SDK1: variants seen among roughly 807,000 people sequenced by gnomAD.
The protein encoded by SDK1 is protein sidekick-1.
In SDK1, 157 loss-of-function variants were observed where a neutral mutation model predicts 245.5. The ratio of observed to expected loss-of-function variants is 0.64; its 90% CI spans 0.56 to 0.73. The LOEUF (loss-of-function observed/expected upper bound fraction) is 0.73. SDK1 is among the 30% of genes least tolerant of loss of function. The pLI, the probability that SDK1 is intolerant of heterozygous loss-of-function variation, is 0.00. For missense variants in SDK1, 3,583 were observed against 3,002.3 expected, an observed-to-expected ratio of 1.19 and a Z score of -4.52; for synonymous variants, 1,647 against 1,278.5, an observed-to-expected ratio of 1.29 and a Z score of -6.15.
At chr7:4,035,104 G>A (rs137856813) in intron 17 of SDK1, among the ~76,000 whole-genome samples, 13 of 152,100 alleles carry the variant, frequency 8.5e-5, no homozygotes, top group Middle Eastern at 3.4e-3. Context: ...TTAGCCTCCC[G>A]AGTAGCTGGG....
At chr7:4,017,702 G>C (rs940488515) in intron 17 of SDK1, among the ~76,000 whole-genome samples, 1 of 152,194 alleles carries the variant, frequency 6.6e-6, no homozygotes, top group Non-Finnish European at 1.5e-5. Flanking sequence ...AGTTCTGTGT[G>C]ATACTGTGAG....
At chr7:4,236,524 G>T (rs1786179284) in intron 41 of SDK1, among the ~76,000 whole-genome samples, 1 of 152,084 alleles carries the variant, frequency 6.6e-6, no homozygotes, top group South Asian at 2.1e-4. Context: ...GTGGCCTGTG[G>T]AGGGGCCAAC....
At chr7:3,883,543 A>G (rs1352876959) in intron 5 of SDK1, among the ~76,000 whole-genome samples, 3 of 152,210 alleles carry the variant, frequency 2.0e-5, no homozygotes, top group African/African-American at 4.8e-5. Context: ...TCCAGTAACC[A>G]GGGCACATGG....
intron 5 of SDK1, among the ~76,000 whole-genome samples, 187 bp downstream of exon 5, chr7:3,821,770 C>A (rs531531550): frequency 6.6e-6 from 1 of 151,642 alleles, no homozygotes; most frequent in Admixed American, 6.6e-5. Flanking sequence ...AAATGATATG[C>A]GGAAAAATGT....
intron 5 of SDK1, among the ~76,000 whole-genome samples, chr7:3,911,026 G>C (rs1352212598): frequency 6.6e-6 from 1 of 152,210 alleles, no homozygotes; most frequent in Non-Finnish European, 1.5e-5. Context: ...CTGATGCACA[G>C]CCTTTCCAAG....
At chr7:3,321,942 C>T (rs540917822) in intron 1 of SDK1, among the ~76,000 whole-genome samples, 1 of 149,324 alleles carries the variant, frequency 6.7e-6, no homozygotes, top group East Asian at 2.0e-4. Flanking sequence ...CTGCTTATAC[C>T]TTTGTTCCCC....
chr7:3,350,490 C>T (rs1286733075), intron 1 of SDK1, among the ~76,000 whole-genome samples: 1 of 152,156 alleles, frequency 6.6e-6, no homozygotes, highest in Non-Finnish European at 1.5e-5. Flanking sequence ...GTTCAGTATT[C>T]AGTCTTCTTG....
chr7:4,153,081 G>C (rs1228789648), intron 30 of SDK1, among the ~76,000 whole-genome samples: 1 of 152,136 alleles, frequency 6.6e-6, no homozygotes, highest in Non-Finnish European at 1.5e-5. Context: ...TGTGCATCTG[G>C]CTGTGATGGG....
chr7:3,544,401 AGAGG>A (rs1779151731), intron 1 of SDK1, among the ~76,000 whole-genome samples: 1 of 152,248 alleles, frequency 6.6e-6, no homozygotes, highest in Non-Finnish European at 1.5e-5. Flanking sequence ...TGGGGCCTGT[AGAGG>A]GCACTGCACC....
At chr7:3,584,298 C>T (rs764772696) in intron 1 of SDK1, among the ~76,000 whole-genome samples, 1 of 152,140 alleles carries the variant, frequency 6.6e-6, no homozygotes, top group African/African-American at 2.4e-5. Context: ...TAATGCACCT[C>T]TTTGGATTTC....
intron 17 of SDK1, among the ~76,000 whole-genome samples, chr7:4,021,451 T>G (rs1786887606): frequency 6.6e-6 from 1 of 152,164 alleles, no homozygotes; most frequent in Non-Finnish European, 1.5e-5. Context: ...GACAGGAGCT[T>G]AAACAAGATA....
At chr7:3,973,072 T>A (rs1782616317) in intron 12 of SDK1, among the ~76,000 whole-genome samples, 1 of 152,112 alleles carries the variant, frequency 6.6e-6, no homozygotes, top group Admixed American at 6.5e-5. Context: ...AGTAGCTTGT[T>A]ATATGTGATT....
intron 4 of SDK1, among the ~76,000 whole-genome samples, chr7:3,747,698 G>GGT (rs148784234): frequency 0.011 from 1,678 of 148,814 alleles, 20 homozygotes; most frequent in African/African-American, 0.025. Flanking sequence ...CTTAGCCTGG[G>GGT]GTGTGTGTGT....
intron 1 of SDK1, among the ~76,000 whole-genome samples, chr7:3,325,191 C>A (rs1325946635): frequency 1.3e-5 from 2 of 151,998 alleles, no homozygotes; most frequent in Admixed American, 6.6e-5. Context: ...TGAGATCTTA[C>A]AACCATAGAC....
rs1159199692 is a variant in SDK1, at chr7:3,619,013, T to TA, written c.299-64dup. ...ACGTTTGTTTAAATAATAGATTTATTAAATTAGATGAGTGCCACTTTCATG... is the reference window on the plus strand; with the variant it reads ...ACGTTTGTTTAAATAATAGATTTATTAAAATTAGATGAGTGCCACTTTCATG... On this transcript the variant is annotated intron_variant, in intron 1 of 44. Transcript: ENST00000404826. 3.2e-6 allele frequency: 4 copies of TA among 1,244,212 alleles called. No individual in the cohort carries two copies. The African/African-American group carries it at 6.0e-5, about 19-fold the overall frequency. The allele number at this position is 1,244,212 out of a possible 1,614,324, so 77.1% of individuals were successfully genotyped here. A position where few individuals can be genotyped will look rare whatever the true frequency, so the allele number is the denominator to read the frequency against.
intron 5 of SDK1, among the ~76,000 whole-genome samples, chr7:3,831,823 C>G (rs1191974951): frequency 6.6e-6 from 1 of 151,966 alleles, no homozygotes; most frequent in Admixed American, 6.6e-5. Flanking sequence ...GAGGCAGGAG[C>G]ATTGCTCGAG....
At chr7:3,858,674 C>A (rs1282604990) in intron 5 of SDK1, among the ~76,000 whole-genome samples, 1 of 151,718 alleles carries the variant, frequency 6.6e-6, no homozygotes, top group Non-Finnish European at 1.5e-5. Context: ...AAGCACAAGT[C>A]CCAGTACAAG....
intron 4 of SDK1, among the ~76,000 whole-genome samples, chr7:3,663,497 G>A (rs1004623881): frequency 1.3e-5 from 2 of 152,166 alleles, no homozygotes; most frequent in Middle Eastern, 3.2e-3. Context: ...TCCGCTTAGA[G>A]GTTTGTTCTT....
intron 4 of SDK1, among the ~76,000 whole-genome samples, chr7:3,801,020 A>G (rs1779094188): frequency 6.6e-6 from 1 of 152,218 alleles, no homozygotes; most frequent in South Asian, 2.1e-4. Flanking sequence ...AGACATTTGC[A>G]CAACAAATTG....
Sources: gnomAD v4.1 joint callset for allele counts (sites outside exome capture counted in the v4.1 genomes callset) on GRCh38, gnomAD v4.1.1 for gene constraint, MANE v1.5 for transcripts, NCBI Gene and HGNC (gene_info 2026-07-23, HGNC 2026-07-21) for gene names.